The following ITPR1 variants were observed in gnomAD, a reference collection of about 807,000 sequenced individuals.
ITPR1 encodes the protein inositol 1,4,5-trisphosphate receptor type 1.
In ITPR1, 96 loss-of-function variants were observed where a neutral mutation model predicts 318.4. The observed-to-expected ratio is 0.30, with a 90% CI of 0.26 to 0.36. ITPR1 has a LOEUF of 0.36. Ranked by LOEUF, ITPR1 falls within the 10% of genes least tolerant of loss-of-function variation. The pLI is 1.00. For synonymous variants in ITPR1, 1,312 were observed against 1,289.9 expected (o/e 1.02, Z -0.37); for missense variants, 2,440 against 3,460.2 (o/e 0.71, Z 7.40).
intron 1 of ITPR1, among the ~76,000 whole-genome samples, chr3:4,493,883 GTTCT>G (rs1177907698): frequency 7.5e-6 from 1 of 133,514 alleles, no homozygotes; most frequent in Non-Finnish European, 1.6e-5. Context: ...GCAGGAAATA[GTTCT>G]TTTTTTTTTT....
At chr3:4,830,440 C>T (rs1404499983) in intron 60 of ITPR1, among the ~76,000 whole-genome samples, 6 of 151,126 alleles carry the variant, frequency 4.0e-5, no homozygotes, top group Non-Finnish European at 7.4e-5. Flanking sequence ...ATTTTTTTTT[C>T]TTCCTCTTCA....
At chr3:4,602,916 A>G (rs1226891370) in intron 4 of ITPR1, among the ~76,000 whole-genome samples, 2 of 151,724 alleles carry the variant, frequency 1.3e-5, no homozygotes, top group Non-Finnish European at 2.9e-5. Context: ...ATGTTCTGGA[A>G]TTCGATAGTG....
chr3:4,781,301 T>C (rs2046822915), intron 49 of ITPR1, among the ~76,000 whole-genome samples: 1 of 152,236 alleles, frequency 6.6e-6, no homozygotes, highest in African/African-American at 2.4e-5. Flanking sequence ...AAGAAGATTA[T>C]AATTTTTAGT....
rs1410639339 is a variant in ITPR1, at chr3:4,707,891, C to T, written c.4842+1540C>T. ...AATCATTCATCAGCTCCATGCTAGG[C>T]TCTGGGGATACAGTGGTCAGCAAAA... On this transcript the variant is annotated intron_variant, in intron 37 of 61. Coordinates refer to ENST00000649015, the MANE Select transcript of ITPR1 (RefSeq NM_001378452.1). 2.0e-5 allele frequency among the ~76,000 whole-genome samples: 3 copies of T among 152,178 alleles called. No individual in the cohort carries two copies. The East Asian group carries it at 5.8e-4, about 29-fold the overall frequency.
chr3:4,773,140 A>G (rs1445554775), intron 46 of ITPR1, among the ~76,000 whole-genome samples: 1 of 152,196 alleles, frequency 6.6e-6, no homozygotes, highest in Non-Finnish European at 1.5e-5. Flanking sequence ...GGAAGAGGCG[A>G]CTTGCGATGC....
At chr3:4,527,566 C>T (rs922834337) in intron 4 of ITPR1, among the ~76,000 whole-genome samples, 4 of 152,242 alleles carry the variant, frequency 2.6e-5, no homozygotes, top group East Asian at 1.9e-4. Context: ...GTAGTGCAAA[C>T]GAGGGTCTGG....
chr3:4,618,041 A>G (rs977856291), intron 4 of ITPR1, among the ~76,000 whole-genome samples: 3 of 152,090 alleles, frequency 2.0e-5, no homozygotes, highest in African/African-American at 4.8e-5. Context: ...TAAAAAGTCA[A>G]ATATAGGGTG....
At chr3:4,561,872 C>T (rs188009717) in intron 4 of ITPR1, among the ~76,000 whole-genome samples, 10 of 152,190 alleles carry the variant, frequency 6.6e-5, no homozygotes, top group Admixed American at 5.2e-4. Context: ...GAGCTCATGA[C>T]TCAGGATGGC....
At position 4,635,075 on chromosome 3, in the gene ITPR1, T is replaced by C. The variant is rs758962301; in HGVS notation, c.280-4309T>C. The stretch of plus-strand genomic sequence containing the variant: ...TCATTTTTAATGGCTACACGGTTAC[T>C]TCCTTGTTTGGCAGTACTGTCATTT... On this transcript the variant is annotated intron_variant, in intron 5 of 61. Transcript: ENST00000649015. Among the ~76,000 whole-genome samples the C allele has an allele frequency of 6.6e-5, 10 of 152,184 alleles. 1 individual carries two copies. Among genetic ancestry groups the C allele is most frequent in the Admixed American group, 1.3e-4 (2 of 15,286 alleles).
intron 4 of ITPR1, among the ~76,000 whole-genome samples, chr3:4,541,800 A>T (rs939841266): frequency 2.6e-5 from 4 of 151,826 alleles, no homozygotes; most frequent in Non-Finnish European, 5.9e-5. Flanking sequence ...TAATTTTTGT[A>T]TTTTTAGTAG....
chr3:4,785,363 T>A (rs1367095997), intron 51 of ITPR1, among the ~76,000 whole-genome samples: 2 of 152,216 alleles, frequency 1.3e-5, no homozygotes, highest in South Asian at 2.1e-4. Context: ...AATGATGTGT[T>A]TTGCTAATGA....
chr3:4,672,234 G>A (rs188550746), intron 20 of ITPR1, among the ~76,000 whole-genome samples: 468 of 152,292 alleles, frequency 3.1e-3, no homozygotes, highest in Non-Finnish European at 4.6e-3. Flanking sequence ...TTCTAAATTG[G>A]ATGTGTCAGT....
Position 4,727,128 on chromosome 3 carries a change from G to A in ITPR1, c.5175G>A (p.Glu1725=). 6.3e-7 allele frequency: 1 copy of A among 1,598,262 alleles called. No individual in the cohort carries two copies. The highest frequency in any genetic ancestry group is 8.5e-7 in the Non-Finnish European group (1 of 1,178,906). ...TGGAATTTCTGCATGCCTAGCAGGAGCTTGAACCAAGTCCACCCCTGCGGC... is the reference window on the plus strand; with the variant it reads ...TGGAATTTCTGCATGCCTAGCAGGAACTTGAACCAAGTCCACCCCTGCGGC... The part of the protein sequence containing the change: ...PAPDSENATE[E]LEPSPPLRQL... Residue 1725 remains glutamate, a splice_region_variant and synonymous_variant, in exon 42 of 62, where the codon GAG becomes GAA. Coordinates refer to ENST00000649015, the MANE Select transcript of ITPR1 (RefSeq NM_001378452.1).
At position 4,677,511 on chromosome 3, in the gene ITPR1, G is replaced by A. The variant is rs115474366; in HGVS notation, c.2967+710G>A. ...ATAGCCACACAGATATCTTGGGAAA[G>A]GGTATCTGAGGCAGAGGGAGCAGCA... is the stretch of plus-strand genomic sequence containing the variant. On this transcript the variant is annotated intron_variant, in intron 24 of 61. Transcript: ENST00000649015. 4.3e-3 allele frequency among the ~76,000 whole-genome samples: 648 copies of A among 152,236 alleles called. 6 individuals are homozygous for A. The highest frequency in any genetic ancestry group is 0.015 in the African/African-American group (618 of 41,546).
chr3:4,784,566 G>GTT (rs767602327), intron 51 of ITPR1, among the ~76,000 whole-genome samples: 18 of 135,312 alleles, frequency 1.3e-4, no homozygotes, highest in African/African-American at 3.5e-4. Context: ...TGTGTTTTTT[G>GTT]TTTTTTTTTT....
chr3:4,618,564 G>T (rs2092474380), intron 4 of ITPR1, among the ~76,000 whole-genome samples: 1 of 152,148 alleles, frequency 6.6e-6, no homozygotes, highest in Non-Finnish European at 1.5e-5. Flanking sequence ...ATTTTCATAT[G>T]CAACCTTCCC....
At chr3:4,804,193 G>C (rs1434336633) in intron 54 of ITPR1, among the ~76,000 whole-genome samples, 2 of 152,192 alleles carry the variant, frequency 1.3e-5, no homozygotes, top group Admixed American at 1.3e-4. Context: ...TTAAAAGAGA[G>C]AAACACCCAC....
intron 2 of ITPR1, among the ~76,000 whole-genome samples, chr3:4,503,374 T>C (rs1372264974): frequency 6.6e-6 from 1 of 152,140 alleles, no homozygotes; most frequent in Non-Finnish European, 1.5e-5. Context: ...ACATGGAACA[T>C]CTGTGCATCT....
At chr3:4,618,864 T>C (rs2092488218) in intron 4 of ITPR1, among the ~76,000 whole-genome samples, 2 of 152,246 alleles carry the variant, frequency 1.3e-5, no homozygotes, top group Non-Finnish European at 2.9e-5. Flanking sequence ...GTCTCGACTA[T>C]AGAACAAGGG....
Sources: gnomAD v4.1 joint callset for allele counts (sites outside exome capture counted in the v4.1 genomes callset) on GRCh38, gnomAD v4.1.1 for gene constraint, MANE v1.5 for transcripts, NCBI Gene and HGNC (gene_info 2026-07-23, HGNC 2026-07-21) for gene names.